SCN9A: variants seen among roughly 807,000 people sequenced by gnomAD.
The protein encoded by SCN9A is sodium voltage-gated channel alpha subunit 9.
SCN9A carries 131 observed loss-of-function variants against 187.0 expected under a neutral mutation model. The observed-to-expected ratio is 0.70, with a 90% CI of 0.61 to 0.81. The LOEUF (loss-of-function observed/expected upper bound fraction) is 0.81, where lower values mean the gene tolerates loss of function less well. Ranked by LOEUF, SCN9A falls within the 30% of genes least tolerant of loss-of-function variation. The pLI is 0.00. For missense variants in SCN9A, 2,252 were observed against 2,396.6 expected (o/e 0.94, Z 1.26); for synonymous variants, 809 against 808.6 (o/e 1.00, Z -0.01).
At position 166,303,285 on chromosome 2, in the gene SCN9A, C is replaced by T. The variant is rs1698638465; in HGVS notation, c.706G>A (p.Gly236Arg). The T allele has an allele frequency of 6.2e-7, 1 of 1,612,948 alleles. No homozygotes were observed. Among genetic ancestry groups the T allele is most frequent in the Non-Finnish European group, 8.5e-7 (1 of 1,179,546 alleles). ...TTCTTCACTGACTGGATCAAAGCCC[C>T]TACAATTGTCTTCAGGCCTGAAAAT... is the stretch of plus-strand genomic sequence containing the variant. ...SVIPGLKTIV[G>R]ALIQSVKKLS... Residue 236 changes from glycine to arginine, a missense_variant, in exon 7 of 27, where the codon GGG (glycine) becomes AGG (arginine). By Grantham distance (125) the Gly-to-Arg change is moderately radical. Coordinates refer to ENST00000642356, the MANE Select transcript of SCN9A (RefSeq NM_001365536.1).
At chr2:166,309,280 G>A (rs574251637) in intron 2 of SCN9A, among the ~76,000 whole-genome samples, 1 of 152,068 alleles carries the variant, frequency 6.6e-6, no homozygotes, top group Non-Finnish European at 1.5e-5. Context: ...AAAAAGAATT[G>A]TTGGTATTTT....
rs537648288 is a variant in SCN9A at position 166,374,918 on chromosome 2, T to TA, written c.-51+778dup. On this transcript the variant is annotated intron_variant, in intron 1 of 26. Coordinates refer to ENST00000642356, the MANE Select transcript of SCN9A (RefSeq NM_001365536.1). ...GATATAATCTATGAACGCTCCAACTTAAAAAAAAAAAACTAAAATAATGAG... is the reference window on the plus strand; with the variant it reads ...GATATAATCTATGAACGCTCCAACTTAAAAAAAAAAAAACTAAAATAATGAG... Among the ~76,000 whole-genome samples the TA allele has an allele frequency of 8.3e-3, 1,174 of 142,010 alleles. 7 individuals carry two copies. The highest frequency in any genetic ancestry group is 0.023 in the South Asian group (105 of 4,526). 93.2% of individuals were successfully genotyped at this position (142,010 alleles called of 152,430 possible).
intron 1 of SCN9A, among the ~76,000 whole-genome samples, chr2:166,368,998 A>G (rs1700487583): frequency 6.6e-6 from 1 of 152,134 alleles, no homozygotes; most frequent in Non-Finnish European, 1.5e-5. Context: ...AAAAAAAAAA[A>G]AAAGAATGCA....
At chr2:166,231,062 A>C (rs1384754195) in intron 21 of SCN9A, among the ~76,000 whole-genome samples, 1 of 152,198 alleles carries the variant, frequency 6.6e-6, no homozygotes, top group Non-Finnish European at 1.5e-5. Flanking sequence ...TTGCCTCTCA[A>C]AATATACTAA....
chr2:166,205,232 G>T (rs1007765051), intron 24 of SCN9A: 3 of 152,192 alleles, frequency 2.0e-5, no homozygotes, highest in African/African-American at 7.2e-5. Flanking sequence ...GAACAAAGCT[G>T]GAGGCGTCAC....
chr2:166,210,481 T>A (rs370799758), intron 24 of SCN9A, among the ~76,000 whole-genome samples: 21 of 41,726 alleles, frequency 5.0e-4, no homozygotes, highest in East Asian at 1.0e-3. Context: ...AATAAAAAAA[T>A]AAAAAATAAA....
intron 17 of SCN9A, among the ~76,000 whole-genome samples, chr2:166,255,680 G>T (rs1361866485): frequency 5.1e-5 from 5 of 98,570 alleles, no homozygotes; most frequent in African/African-American, 1.9e-4. Context: ...TAAACTGTTT[G>T]CTTCACACAA....
chr2:166,325,783 T>C (rs1239335071), intron 1 of SCN9A, among the ~76,000 whole-genome samples: 1 of 152,164 alleles, frequency 6.6e-6, no homozygotes, highest in Non-Finnish European at 1.5e-5. Context: ...GATTCTCATT[T>C]TACTGAGCTC....
chr2:166,216,855 T>C (rs1694351450), intron 24 of SCN9A, among the ~76,000 whole-genome samples: 2 of 152,068 alleles, frequency 1.3e-5, no homozygotes, highest in Non-Finnish European at 2.9e-5. Flanking sequence ...AAAATTCTAA[T>C]GTCAGTTTTC....
At chr2:166,342,509 T>A (rs1044536184) in intron 1 of SCN9A, among the ~76,000 whole-genome samples, 1 of 152,150 alleles carries the variant, frequency 6.6e-6, no homozygotes, top group Non-Finnish European at 1.5e-5. Flanking sequence ...AACTGTTTTT[T>A]AAAGATTAAA....
chr2:166,366,568 A>G (rs1469984199), intron 1 of SCN9A, among the ~76,000 whole-genome samples: 2 of 152,192 alleles, frequency 1.3e-5, no homozygotes, highest in Admixed American at 6.5e-5. Context: ...AGGAACTTCC[A>G]TATTATTTTC....
At chr2:166,314,213 G>A (rs139064023) in intron 1 of SCN9A, among the ~76,000 whole-genome samples, 15 of 152,218 alleles carry the variant, frequency 9.9e-5, no homozygotes, top group East Asian at 1.9e-4. Context: ...AAAAAATTAC[G>A]CTGACAGACT....
chr2:166,255,504 G>A (rs543936947), intron 17 of SCN9A, among the ~76,000 whole-genome samples: 1 of 151,146 alleles, frequency 6.6e-6, no homozygotes, highest in Non-Finnish European at 1.5e-5. Flanking sequence ...TGTTCCAAGA[G>A]GTGTGAGGTA....
At chr2:166,267,805 TA>T (rs1696806531) in intron 17 of SCN9A, among the ~76,000 whole-genome samples, 1 of 151,954 alleles carries the variant, frequency 6.6e-6, no homozygotes, top group Admixed American at 6.6e-5. Context: ...ATGTGTTGAG[TA>T]ATTTATCAAT....
At chr2:166,347,249 A>AT (rs1159147895) in intron 1 of SCN9A, among the ~76,000 whole-genome samples, 2 of 152,150 alleles carry the variant, frequency 1.3e-5, no homozygotes, top group South Asian at 4.2e-4. Flanking sequence ...GGGATCTTTT[A>AT]TTTTTTTGAG....
chr2:166,350,084 A>C (rs2105296889), intron 1 of SCN9A, among the ~76,000 whole-genome samples: 1 of 152,350 alleles, frequency 6.6e-6, no homozygotes, highest in Middle Eastern at 3.4e-3. Flanking sequence ...CTTGTCTATA[A>C]CTTCCTCTGC....
chr2:166,251,714 C>T (rs1320156969), intron 18 of SCN9A, 51 bp downstream of exon 18: 11 of 1,605,608 alleles, frequency 6.9e-6, no homozygotes, highest in African/African-American at 1.3e-5. Flanking sequence ...TAAGACAAAC[C>T]CCAGAACACT....
At chr2:166,282,635 C>T (rs1366075113) in intron 12 of SCN9A, among the ~76,000 whole-genome samples, 4 of 151,966 alleles carry the variant, frequency 2.6e-5, no homozygotes, top group Non-Finnish European at 2.9e-5. Context: ...TCATGTTTGT[C>T]TGCTTGTGTG....
chr2:166,328,956 A>G (rs1489055119), intron 1 of SCN9A, among the ~76,000 whole-genome samples: 3 of 152,198 alleles, frequency 2.0e-5, no homozygotes, highest in South Asian at 2.1e-4. Context: ...GTTTACATAA[A>G]ATTTTTTCTC....
Sources: allele counts gnomAD v4.1 joint callset (sites outside exome capture counted in the v4.1 genomes callset), GRCh38; gene constraint gnomAD v4.1.1; transcripts MANE v1.5; gene names NCBI Gene and HGNC (gene_info 2026-07-23, HGNC 2026-07-21).